Variants in SDC4 observed in about 807,000 individuals in gnomAD.
SDC4 encodes syndecan-4.
A neutral mutation model predicts 20.5 loss-of-function variants in SDC4; 17 were observed. The ratio of observed to expected loss-of-function variants is 0.83; its 90% confidence interval spans 0.57 to 1.25. The LOEUF (loss-of-function observed/expected upper bound fraction) is 1.25, where lower values mean the gene tolerates loss of function less well. SDC4 is among the 50% of genes most tolerant of loss of function. The pLI, the probability that SDC4 is intolerant of heterozygous loss-of-function variation, is 0.00. For missense variants in SDC4, 241 were observed against 252.3 expected (o/e 0.96, Z 0.30); for synonymous variants, 107 against 105.3 (o/e 1.02, Z -0.10).
Position 45,335,937 on chromosome 20 carries a change from A to G in SDC4, c.61-17T>C. 6.2e-7 allele frequency: 1 copy of G among 1,607,100 alleles called. No homozygotes were observed. Among genetic ancestry groups the G allele is most frequent in the Non-Finnish European group, 8.5e-7 (1 of 1,179,364 alleles). On this transcript the variant is annotated splice_polypyrimidine_tract_variant and intron_variant, in intron 1 of 4. Transcript: ENST00000372733. ...CTCTCGGATCTAAGATAAAGAAAGG[A>G]GACACATCAGCCAACATCCCCAGTG... is the stretch of plus-strand genomic sequence containing the variant.
Sources: allele counts gnomAD v4.1 joint callset, GRCh38; gene constraint gnomAD v4.1.1; transcripts MANE v1.5; gene names NCBI Gene and HGNC (gene_info 2026-07-23, HGNC 2026-07-21).